Variants in SLAMF7 observed in about 807,000 individuals in gnomAD.
SLAMF7 encodes 19A24 protein.
In SLAMF7, 26 loss-of-function variants were observed where a neutral mutation model predicts 34.1. That is an observed-to-expected ratio of 0.76 (90% CI 0.56 to 1.06). The LOEUF (loss-of-function observed/expected upper bound fraction) is 1.06, where lower values mean the gene tolerates loss of function less well. SLAMF7 is among the 50% of genes least tolerant of loss of function. The probability of loss-of-function intolerance (pLI) is 0.00; values close to 1 mark genes in which losing one functional copy is unlikely to be tolerated. For missense variants in SLAMF7, 399 were observed against 402.5 expected (o/e 0.99, Z 0.07); for synonymous variants, 171 against 156.4 (o/e 1.09, Z -0.70).
At chr1:160,751,283 G>A in intron 4 of SLAMF7, 62 bp from the exon 5 acceptor site, 1 of 1,210,178 alleles carries the variant, frequency 8.3e-7, no homozygotes. Flanking sequence ...AGAAATGGTG[G>A]GCCAGTGGAA....
At chr1:160,752,280 A>G (rs746364478) in intron 6 of SLAMF7, 32 bp downstream of exon 6, 2 of 1,560,974 alleles carry the variant, frequency 1.3e-6, no homozygotes, top group East Asian at 4.5e-5. Flanking sequence ...CTTCATCTTA[A>G]TGGTTCCATT....
At chr1:160,739,112 G>A, upstream of SLAMF7, 1 of 626,622 alleles carries the variant, frequency 1.6e-6, no homozygotes, top group Non-Finnish European at 2.9e-6. Flanking sequence ...GGAGCAAATA[G>A]ATCTCTCATA....
rs139915488 is a variant in SLAMF7, at chr1:160,747,511, C to T, written c.56-683C>T. ...CTGGCCAACATGGTGAAAACCCCACCTCTACTAAAAACACAAAAATTAGCT... is the reference window on the plus strand; with the variant it reads ...CTGGCCAACATGGTGAAAACCCCACTTCTACTAAAAACACAAAAATTAGCT... On this transcript the variant is annotated intron_variant, in intron 1 of 6. Coordinates refer to ENST00000368043, the MANE Select transcript of SLAMF7 (RefSeq NM_021181.5). Among the ~76,000 whole-genome samples, 15 of 152,232 alleles carry T rather than the reference C, an allele frequency of 9.9e-5. No individual in the cohort carries two copies. The East Asian group carries it at 2.7e-3, about 27-fold the overall frequency.
At chr1:160,751,090 C>T in intron 4 of SLAMF7, 1 of 447,790 alleles carries the variant, frequency 2.2e-6, no homozygotes, top group Non-Finnish European at 4.1e-6. Context: ...GTGTCTTTGA[C>T]TTTCTCTACT....
chr1:160,746,379 T>C (rs1664134546), intron 1 of SLAMF7, among the ~76,000 whole-genome samples: 1 of 152,206 alleles, frequency 6.6e-6, no homozygotes, highest in Non-Finnish European at 1.5e-5. Flanking sequence ...ATTAGAACTG[T>C]CAGGATCCTA....
intron 1 of SLAMF7, chr1:160,739,603 G>T: frequency 2.4e-6 from 1 of 425,460 alleles, no homozygotes; most frequent in Non-Finnish European, 4.2e-6. Flanking sequence ...GAAAGAAGTG[G>T]TGCTGGGTAT....
chr1:160,739,674 C>A (rs979930627), intron 1 of SLAMF7: 1 of 265,030 alleles, frequency 3.8e-6, no homozygotes, highest in African/African-American at 2.3e-5. Flanking sequence ...TTAAAGTTTT[C>A]CTGGGCCTCA....
intron 1 of SLAMF7, among the ~76,000 whole-genome samples, chr1:160,743,832 G>A (rs913507984): frequency 1.7e-4 from 26 of 152,148 alleles, no homozygotes; most frequent in African/African-American, 5.8e-4. Context: ...GGGACCACAG[G>A]TGAATGCCAC....
At chr1:160,739,655 T>C in intron 1 of SLAMF7, 1 of 302,514 alleles carries the variant, frequency 3.3e-6, no homozygotes. Context: ...ATGAGTTAGA[T>C]AAGGAATGTT....
chr1:160,751,632 TG>T, intron 5 of SLAMF7, 184 bp downstream of exon 5: 1 of 554,602 alleles, frequency 1.8e-6, no homozygotes, highest in Admixed American at 3.3e-5. Context: ...AAGAAGCTGG[TG>T]GTCTCTGGAG....
chr1:160,745,487 T>C (rs1187569587), intron 1 of SLAMF7, among the ~76,000 whole-genome samples: 5 of 152,218 alleles, frequency 3.3e-5, no homozygotes, highest in Non-Finnish European at 5.9e-5. Flanking sequence ...CTGCTAGCTT[T>C]GTGCCCTTGG....
At chr1:160,739,911 C>T (rs969025720) in intron 1 of SLAMF7, among the ~76,000 whole-genome samples, 1 of 152,076 alleles carries the variant, frequency 6.6e-6, no homozygotes, top group African/African-American at 2.4e-5. Flanking sequence ...TGTTTAATCC[C>T]ATGGAGGACA....
chr1:160,751,693 G>T (rs962328728), intron 5 of SLAMF7: 7 of 437,326 alleles, frequency 1.6e-5, no homozygotes, highest in Non-Finnish European at 2.5e-5. Context: ...GAAATCACCT[G>T]CTCCCCTCCA....
rs1332226533 is a variant in SLAMF7, at chr1:160,747,786, C to T, written c.56-408C>T. 1.5e-4 allele frequency among the ~76,000 whole-genome samples: 23 copies of T among 152,232 alleles called. 1 individual carries two copies. The highest frequency in any genetic ancestry group is 1.4e-3 in the Admixed American group (21 of 15,274). On this transcript the variant is annotated intron_variant, in intron 1 of 6. Transcript: ENST00000368043. Reference sequence around the variant, plus strand: ...TTCTCTCACTGCTCTGTGTTATTCCCAGAGTCTGTCTCTCAAGTTTAATAG... The same window carrying T: ...TTCTCTCACTGCTCTGTGTTATTCCTAGAGTCTGTCTCTCAAGTTTAATAG...
chr1:160,753,198 GTC>G lies in SLAMF7; in HGVS notation c.*25_*26del, dbSNP rs747385921. 1.6e-5 allele frequency: 25 copies of G among 1,584,134 alleles called. No homozygotes were observed. The highest frequency in any genetic ancestry group is 2.3e-5 in the South Asian group (2 of 88,862). On this transcript the variant is annotated 3_prime_UTR_variant, in exon 7 of 7. Transcript: ENST00000368043. ...TCTAGACAGCAGTGCACTCCCCTAA[GTC>G]TCTGCTCAAAAAAAAAACAATTCTC...
chr1:160,749,154 C>T (rs1358810457), intron 2 of SLAMF7, among the ~76,000 whole-genome samples: 1 of 152,194 alleles, frequency 6.6e-6, no homozygotes, highest in African/African-American at 2.4e-5. Flanking sequence ...GTAGGCACTG[C>T]ACCTGATCCA....
intron 4 of SLAMF7, 121 bp from the exon 5 acceptor site, chr1:160,751,224 C>A: frequency 1.4e-6 from 1 of 723,162 alleles, no homozygotes; most frequent in Non-Finnish European, 2.5e-6. Context: ...AAAACCCTTC[C>A]ATTACAAGGA....
At chr1:160,750,241 A>G (rs1027716194) in intron 3 of SLAMF7, 63 bp from the exon 4 acceptor site, 7 of 1,595,620 alleles carry the variant, frequency 4.4e-6, no homozygotes, top group Non-Finnish European at 6.0e-6. Flanking sequence ...GTGCTCCAAG[A>G]CCTGGGTCGT....
At chr1:160,746,311 A>G (rs1024915869) in intron 1 of SLAMF7, among the ~76,000 whole-genome samples, 1 of 152,246 alleles carries the variant, frequency 6.6e-6, no homozygotes, top group African/African-American at 2.4e-5. Flanking sequence ...AGAAGGACCA[A>G]CAAGGTCAAA....
Sources: gnomAD v4.1 joint callset for allele counts (sites outside exome capture counted in the v4.1 genomes callset) on GRCh38, gnomAD v4.1.1 for gene constraint, MANE v1.5 for transcripts, NCBI Gene and HGNC (gene_info 2026-07-23, HGNC 2026-07-21) for gene names.